Variants in KIF4A observed in about 807,000 individuals in gnomAD.
KIF4A encodes chromosome-associated kinesin KIF4A.
KIF4A carries 7 observed loss-of-function variants against 105.9 expected under a neutral mutation model. That is an observed-to-expected ratio of 0.07 (90% CI 0.04 to 0.12). KIF4A has a LOEUF of 0.12. KIF4A is among the 10% of genes least tolerant of loss of function. The pLI is 1.00. For synonymous variants in KIF4A, 281 were observed against 331.3 expected (o/e 0.85, Z 1.65); for missense variants, 558 against 929.2 (o/e 0.60, Z 5.19).
In KIF4A at chrX:70,326,751, T is replaced by C. The variant is rs888268065; in HGVS notation, c.779-2654T>C. ...TATGTTCTTCCCCATCTTTGTGATATATATTCCATCTTTGGGAATCATTTA... is the reference window on the plus strand; with the variant it reads ...TATGTTCTTCCCCATCTTTGTGATACATATTCCATCTTTGGGAATCATTTA... On this transcript the variant is annotated intron_variant, in intron 7 of 30. Transcript: ENST00000374403. Among the ~76,000 whole-genome samples the C allele has an allele frequency of 2.7e-5, 3 of 112,452 alleles. No individual in the cohort carries two copies. In the Admixed American group the frequency reaches 2.8e-4, roughly 11 times the overall value.
At chrX:70,303,511 T>C (rs2085812487) in intron 7 of KIF4A, among the ~76,000 whole-genome samples, 2 of 112,145 alleles carry the variant, frequency 1.8e-5, no homozygotes, top group African/African-American at 6.5e-5. Flanking sequence ...TTTATCATTA[T>C]TATACTGTTG....
intron 17 of KIF4A, 115 bp from the exon 18 acceptor site, chrX:70,375,985 G>T: frequency 2.1e-6 from 1 of 467,881 alleles, no homozygotes; most frequent in East Asian, 3.7e-5. Flanking sequence ...GTTGGGGACT[G>T]CTTTCCCAGC....
chrX:70,369,857 A>T (rs1300522682), intron 15 of KIF4A, among the ~76,000 whole-genome samples: 1 of 111,919 alleles, frequency 8.9e-6, no homozygotes, highest in Non-Finnish European at 1.9e-5. Context: ...ATTATGTGAT[A>T]TGTAATATAT....
At chrX:70,369,217 C>T (rs1017110562) in intron 15 of KIF4A, among the ~76,000 whole-genome samples, 1 of 112,260 alleles carries the variant, frequency 8.9e-6, no homozygotes. Flanking sequence ...GATGCCTCGC[C>T]CTGCTTCGGC....
intron 7 of KIF4A, among the ~76,000 whole-genome samples, chrX:70,312,052 T>A (rs1028540584): frequency 2.7e-5 from 3 of 109,933 alleles, no homozygotes; most frequent in African/African-American, 6.6e-5. Flanking sequence ...GTGTTCAAAT[T>A]TTTAATTGTC....
chrX:70,350,512 G>A (rs1410744468), intron 13 of KIF4A, among the ~76,000 whole-genome samples: 4 of 108,690 alleles, frequency 3.7e-5, no homozygotes, highest in South Asian at 4.1e-4. Flanking sequence ...GGAGAGAGGG[G>A]GAGGGGGAGG....
intron 18 of KIF4A, among the ~76,000 whole-genome samples, 179 bp downstream of exon 18, chrX:70,376,389 C>A (rs2086175204): frequency 9.0e-6 from 1 of 111,548 alleles, no homozygotes. Context: ...CTACTAGGCA[C>A]TATTAGAAAT....
intron 13 of KIF4A, among the ~76,000 whole-genome samples, chrX:70,346,780 C>G (rs977945053): frequency 7.2e-5 from 8 of 111,505 alleles, no homozygotes; most frequent in African/African-American, 9.8e-5. Context: ...ATCTATTGTT[C>G]GGAGACCCTC....
chrX:70,332,478 G>A (rs752449922), intron 9 of KIF4A, among the ~76,000 whole-genome samples: 1 of 111,552 alleles, frequency 9.0e-6, no homozygotes, highest in Admixed American at 9.6e-5. Context: ...CAGTCATATT[G>A]GAGTAAGTTG....
intron 24 of KIF4A, 29 bp from the exon 25 acceptor site, chrX:70,404,686 A>T (rs1430036272): frequency 9.1e-7 from 1 of 1,096,739 alleles, no homozygotes; most frequent in African/African-American, 1.8e-5. Flanking sequence ...TACCTTTGTT[A>T]CCACCCATTG....
intron 18 of KIF4A, among the ~76,000 whole-genome samples, chrX:70,378,866 A>C (rs1407640014): frequency 1.8e-5 from 2 of 108,472 alleles, no homozygotes; most frequent in African/African-American, 3.4e-5. Flanking sequence ...ATAAGAAAAA[A>C]AAAGAGGCCA....
Position 70,330,260 on chromosome X carries a change from A to C in KIF4A, c.999A>C (p.Ala333=), listed in dbSNP as rs1285948004. ...ATACCCTTCGCTATGCTGACAGAGC[A>C]AGAAAAATCAAGAACAAACCTATTG... ...TLNTLRYADR[A]RKIKNKPIVN... is the part of the protein sequence containing the mutation. Residue 333 remains alanine (A), a synonymous_variant, in exon 9 of 31, where the codon GCA becomes GCC. Transcript: ENST00000374403. 1.7e-6 allele frequency: 2 copies of C among 1,211,376 alleles called. No individual in the cohort carries two copies. The highest frequency in any genetic ancestry group is 2.2e-6 in the Non-Finnish European group (2 of 895,133).
intron 18 of KIF4A, among the ~76,000 whole-genome samples, chrX:70,381,170 AC>A (rs2086196122): frequency 8.9e-6 from 1 of 111,768 alleles, no homozygotes; most frequent in Non-Finnish European, 1.9e-5. Context: ...AACAAAAAAA[AC>A]AAAAGGAAAA....
chrX:70,349,107 C>T lies in KIF4A; in HGVS notation c.1432-3493C>T, dbSNP rs750125686. Among the ~76,000 whole-genome samples, 7 of 100,895 alleles carry T rather than the reference C, an allele frequency of 6.9e-5. No individual in the cohort carries two copies. The East Asian group carries it at 1.3e-3, about 19-fold the overall frequency. 87.6% of individuals were successfully genotyped at this position (100,895 alleles called of 115,157 possible). ...GGGGCGGCCGGGCAGAGGCGCTCCT[C>T]ACCTCCCAGACGGGGCGGCCAGGCA... On this transcript the variant is annotated intron_variant, in intron 13 of 30. Coordinates refer to ENST00000374403, the MANE Select transcript of KIF4A (RefSeq NM_012310.5).
At chrX:70,329,188 G>A (rs1239933455) in intron 7 of KIF4A, among the ~76,000 whole-genome samples, 1 of 112,149 alleles carries the variant, frequency 8.9e-6, no homozygotes, top group Non-Finnish European at 1.9e-5. Context: ...GAAAGGGCAA[G>A]AAGTGCCAGT....
chrX:70,377,321 C>T (rs1274731216), intron 18 of KIF4A, among the ~76,000 whole-genome samples: 1 of 111,423 alleles, frequency 9.0e-6, no homozygotes, highest in Non-Finnish European at 1.9e-5. Context: ...GTCCTCTCAC[C>T]TCGGCCTGCT....
Position 70,420,053 on chromosome X carries a change from C to G in KIF4A, c.3496-9C>G. 8.3e-7 allele frequency: 1 copy of G among 1,206,928 alleles called. No individual in the cohort carries two copies. Among genetic ancestry groups the G allele is most frequent in the Non-Finnish European group, 1.1e-6 (1 of 892,593 alleles). On this transcript the variant is annotated splice_polypyrimidine_tract_variant and intron_variant, in intron 30 of 30. Coordinates refer to ENST00000374403, the MANE Select transcript of KIF4A (RefSeq NM_012310.5). ...AAAGTCTATTCATACCTGTCTCTGTCCCTCCTAGATCCTGAAAGAGATGTG... is the reference window on the plus strand; with the variant it reads ...AAAGTCTATTCATACCTGTCTCTGTGCCTCCTAGATCCTGAAAGAGATGTG...
intron 7 of KIF4A, among the ~76,000 whole-genome samples, chrX:70,305,500 A>G (rs1315405586): frequency 8.9e-6 from 1 of 112,288 alleles, no homozygotes; most frequent in African/African-American, 3.2e-5. Flanking sequence ...GTCAAAGTTC[A>G]TCTATATTGT....
intron 7 of KIF4A, among the ~76,000 whole-genome samples, chrX:70,307,150 T>A (rs2085830612): frequency 1.8e-5 from 2 of 111,264 alleles, no homozygotes; most frequent in Admixed American, 1.9e-4. Flanking sequence ...TTAATTCTTT[T>A]TTAATATTTT....
Sources: allele counts gnomAD v4.1 joint callset (sites outside exome capture counted in the v4.1 genomes callset), GRCh38; gene constraint gnomAD v4.1.1; transcripts MANE v1.5; gene names NCBI Gene and HGNC (gene_info 2026-07-23, HGNC 2026-07-21).